The following RAB38 variants were observed in gnomAD, a reference collection of about 807,000 sequenced individuals.
The protein encoded by RAB38 is ras-related protein Rab-38.
Under a neutral mutation model 18.4 loss-of-function variants are expected in RAB38, and 15 were observed. The observed-to-expected ratio is 0.82, with a 90% CI of 0.55 to 1.26. The LOEUF is 1.26. Ranked by LOEUF, RAB38 falls within the 50% of genes most tolerant of loss-of-function variation. RAB38 has a pLI of 0.00. For synonymous variants in RAB38, 101 were observed against 104.4 expected (o/e 0.97, Z 0.20); for missense variants, 294 against 267.4 (o/e 1.10, Z -0.69).
At chr11:87,808,242 G>T in the RAB38 span, among the ~76,000 whole-genome samples, 1 of 152,160 alleles carries the variant, frequency 6.6e-6, no homozygotes, top group South Asian at 2.1e-4. Flanking sequence ...GAATATTGAA[G>T]AGATATCTAA....
At chr11:88,166,273 C>T (rs1943242379) in intron 1 of RAB38, 1 of 152,152 alleles carries the variant, frequency 6.6e-6, no homozygotes, top group South Asian at 2.1e-4. Context: ...GTCTCCACTG[C>T]TATGCCATTA....
chr11:88,140,824 T>A (rs1942902680), intron 2 of RAB38, among the ~76,000 whole-genome samples: 1 of 152,226 alleles, frequency 6.6e-6, no homozygotes, highest in Admixed American at 6.5e-5. Flanking sequence ...AAAGAATGTG[T>A]GACCTGGTTA....
chr11:88,146,118 G>A lies in RAB38; in HGVS notation c.483+3557C>T, dbSNP rs577234618. ...TCACTTGCCAGCCAGGGGCTACCAT[G>A]ATTGCTCCAGCAACAGCAGTAGTCA... On this transcript the variant is annotated intron_variant, in intron 2 of 2. Coordinates refer to ENST00000243662, the MANE Select transcript of RAB38 (RefSeq NM_022337.3). 1.0e-3 allele frequency among the ~76,000 whole-genome samples: 154 copies of A among 152,268 alleles called. 1 individual carries two copies. Among genetic ancestry groups the A allele is most frequent in the African/African-American group, 3.5e-3 (147 of 41,554 alleles).
chr11:88,154,678 C>T (rs2134834584), intron 1 of RAB38, among the ~76,000 whole-genome samples: 1 of 152,308 alleles, frequency 6.6e-6, no homozygotes, highest in East Asian at 1.9e-4. Flanking sequence ...GATATCCAGG[C>T]ATTCAGACGA....
chr11:88,119,344 T>A (rs1016183931), intron 2 of RAB38, among the ~76,000 whole-genome samples: 6 of 152,164 alleles, frequency 3.9e-5, no homozygotes, highest in Admixed American at 1.3e-4. Context: ...AAGTTGAAAT[T>A]TAAACAAATT....
At chr11:88,003,495 ATTGT>A in the RAB38 span, among the ~76,000 whole-genome samples, 2 of 20,994 alleles carry the variant, frequency 9.5e-5, 1 homozygote, top group Admixed American at 1.7e-3. Flanking sequence ...TATATTATAT[ATTGT>A]ATAATAGATT....
At chr11:87,852,952 G>T in the RAB38 span, among the ~76,000 whole-genome samples, 1 of 100,778 alleles carries the variant, frequency 9.9e-6, no homozygotes, top group African/African-American at 5.2e-5. Flanking sequence ...CATCTATCTT[G>T]CATATGACTA....
At chr11:87,848,669 T>G in the RAB38 span, among the ~76,000 whole-genome samples, 1 of 152,068 alleles carries the variant, frequency 6.6e-6, no homozygotes. Context: ...CATAATAACA[T>G]TTTGTGTTCA....
chr11:88,114,481 T>A (rs1245169108), intron 2 of RAB38, among the ~76,000 whole-genome samples: 1 of 152,222 alleles, frequency 6.6e-6, no homozygotes, highest in Non-Finnish European at 1.5e-5. Context: ...TTAATCTGAC[T>A]TAGATTTATA....
chr11:87,942,730 G>A, the RAB38 span, among the ~76,000 whole-genome samples: 16 of 152,112 alleles, frequency 1.1e-4, no homozygotes, highest in Admixed American at 6.6e-4. Context: ...TAAATTGTCC[G>A]ATGACTGCTG....
At chr11:88,008,428 A>G in the RAB38 span, among the ~76,000 whole-genome samples, 1 of 152,186 alleles carries the variant, frequency 6.6e-6, no homozygotes, top group Non-Finnish European at 1.5e-5. Flanking sequence ...CTCAAAGGAT[A>G]TCTAGCAGCA....
the RAB38 span, among the ~76,000 whole-genome samples, chr11:87,939,238 A>G: frequency 6.6e-6 from 1 of 152,158 alleles, no homozygotes; most frequent in African/African-American, 2.4e-5. Context: ...CTCTTCAATT[A>G]TGAGTGCTGT....
the RAB38 span, among the ~76,000 whole-genome samples, chr11:87,968,358 G>C: frequency 6.6e-6 from 1 of 152,108 alleles, no homozygotes; most frequent in East Asian, 1.9e-4. Flanking sequence ...TGGGCACATA[G>C]CACCTAGCTA....
the RAB38 span, among the ~76,000 whole-genome samples, chr11:87,858,139 G>A: frequency 6.6e-6 from 1 of 152,030 alleles, no homozygotes; most frequent in African/African-American, 2.4e-5. Context: ...CCCATTTCTT[G>A]TTTTTGTCAG....
At chr11:87,821,812 C>T in the RAB38 span, among the ~76,000 whole-genome samples, 1 of 149,312 alleles carries the variant, frequency 6.7e-6, no homozygotes, top group Admixed American at 6.7e-5. Flanking sequence ...GATCCCGCCA[C>T]TTCACTCCAC....
chr11:88,126,874 A>C (rs1227258248), intron 2 of RAB38, among the ~76,000 whole-genome samples: 2 of 152,204 alleles, frequency 1.3e-5, no homozygotes, highest in African/African-American at 4.8e-5. Flanking sequence ...GTGAGAGGAG[A>C]TATATGAAAG....
the RAB38 span, among the ~76,000 whole-genome samples, chr11:87,947,145 T>C: frequency 1.3e-5 from 2 of 152,210 alleles, no homozygotes; most frequent in African/African-American, 4.8e-5. Context: ...TGACCAGTGA[T>C]GATGAGTATT....
intron 1 of RAB38, among the ~76,000 whole-genome samples, chr11:88,170,488 C>A (rs996207852): frequency 7.2e-5 from 11 of 152,158 alleles, no homozygotes; most frequent in African/African-American, 2.7e-4. Context: ...GGTTGAATTT[C>A]ACAACCTGAA....
the RAB38 span, among the ~76,000 whole-genome samples, chr11:87,929,949 T>G: frequency 6.6e-6 from 1 of 152,182 alleles, no homozygotes; most frequent in Non-Finnish European, 1.5e-5. Flanking sequence ...CACATTTTCT[T>G]AATCCAGTCT....
Sources: allele counts gnomAD v4.1 joint callset (sites outside exome capture counted in the v4.1 genomes callset), GRCh38; gene constraint gnomAD v4.1.1; transcripts MANE v1.5; gene names NCBI Gene and HGNC (gene_info 2026-07-23, HGNC 2026-07-21).